The following ERBIN variants were observed in gnomAD, a reference collection of about 807,000 sequenced individuals.
ERBIN encodes the protein erbb2 interacting protein.
Under a neutral mutation model 158.4 loss-of-function variants are expected in ERBIN, and 60 were observed. The observed-to-expected ratio is 0.38, with a 90% CI of 0.31 to 0.47. ERBIN has a LOEUF of 0.47. Ranked by LOEUF, ERBIN falls within the 20% of genes least tolerant of loss-of-function variation. The pLI, the probability that ERBIN is intolerant of heterozygous loss-of-function variation, is 0.99. For missense variants in ERBIN, 1,610 were observed against 1,648.0 expected (o/e 0.98, Z 0.40); for synonymous variants, 594 against 557.2 (o/e 1.07, Z -0.93).
At chr5:65,942,043 T>C (rs1745118866) in intron 1 of ERBIN, among the ~76,000 whole-genome samples, 1 of 151,758 alleles carries the variant, frequency 6.6e-6, no homozygotes, top group South Asian at 2.1e-4. Flanking sequence ...TCTGGCCCTC[T>C]TTCTTGTAAT....
intron 2 of ERBIN, among the ~76,000 whole-genome samples, chr5:65,988,952 C>T (rs367848224): frequency 7.0e-6 from 1 of 142,570 alleles, no homozygotes; most frequent in African/African-American, 2.7e-5. Context: ...CACTGCACTC[C>T]AGCCTGGGCA....
chr5:66,006,014 A>G (rs1373133198), intron 4 of ERBIN, among the ~76,000 whole-genome samples: 5 of 152,192 alleles, frequency 3.3e-5, no homozygotes. Context: ...CAAGCTACCA[A>G]TGACTTTCTT....
chr5:66,061,346 CG>C (rs1208463203), intron 21 of ERBIN, among the ~76,000 whole-genome samples: 1 of 151,958 alleles, frequency 6.6e-6, no homozygotes, highest in Non-Finnish European at 1.5e-5. Context: ...TCTGTTTTAT[CG>C]GAGACTAGGA....
At chr5:66,006,841 T>A (rs946913667) in intron 4 of ERBIN, among the ~76,000 whole-genome samples, 15 of 151,986 alleles carry the variant, frequency 9.9e-5, no homozygotes, top group Admixed American at 3.9e-4. Context: ...CACAATGAGA[T>A]ACCATCTCAC....
intron 1 of ERBIN, among the ~76,000 whole-genome samples, chr5:65,940,834 G>C (rs1351373360): frequency 6.6e-6 from 1 of 152,074 alleles, no homozygotes; most frequent in Non-Finnish European, 1.5e-5. Flanking sequence ...AGCTCATTGA[G>C]AACGGGCCAT....
At position 66,023,869 on chromosome 5, in the gene ERBIN, G is replaced by A. The variant is rs1755957313; in HGVS notation, c.673-437G>A. On this transcript the variant is annotated intron_variant, in intron 9 of 25. Coordinates refer to ENST00000284037, the MANE Select transcript of ERBIN (RefSeq NM_001253697.2). ...TTTTTTTTATTTTTTAGTGGAGACGGGATTTCACCGTGTTAGCCAGGATGG... is the reference window on the plus strand; with the variant it reads ...TTTTTTTTATTTTTTAGTGGAGACGAGATTTCACCGTGTTAGCCAGGATGG... Among the ~76,000 whole-genome samples, 3 of 151,830 alleles carry A rather than the reference G, an allele frequency of 2.0e-5. No individual in the cohort carries two copies. The South Asian group carries it at 6.2e-4, about 32-fold the overall frequency.
chr5:66,023,242 C>A, intron 8 of ERBIN, 48 bp from the exon 9 acceptor site: 1 of 1,360,032 alleles, frequency 7.4e-7, no homozygotes, highest in South Asian at 1.2e-5. Flanking sequence ...TAAAGACATT[C>A]ATAAAAATTA....
At chr5:66,004,770 G>A (rs1388426563) in intron 4 of ERBIN, among the ~76,000 whole-genome samples, 1 of 152,188 alleles carries the variant, frequency 6.6e-6, no homozygotes, top group African/African-American at 2.4e-5. Context: ...GTTGTTGAGG[G>A]TAGGCCTTGA....
At chr5:65,992,434 A>C (rs920472244) in intron 2 of ERBIN, among the ~76,000 whole-genome samples, 10 of 152,154 alleles carry the variant, frequency 6.6e-5, no homozygotes, top group African/African-American at 2.4e-4. Context: ...GGTGTGAGCC[A>C]CTGCGCCCGG....
At chr5:65,975,064 G>A (rs954182104) in intron 1 of ERBIN, among the ~76,000 whole-genome samples, 1 of 152,206 alleles carries the variant, frequency 6.6e-6, no homozygotes, top group Non-Finnish European at 1.5e-5. Flanking sequence ...CTGGATTGCA[G>A]TGGTGTGATC....
At chr5:66,065,645 GTGTGTGTGTGTGTGTT>G (rs1760911096) in intron 21 of ERBIN, among the ~76,000 whole-genome samples, 1 of 91,838 alleles carries the variant, frequency 1.1e-5, no homozygotes. Context: ...GTGTGTGTGT[GTGTGTGTGTGTGTGTT>G]TTGCTTTGTA....
intron 21 of ERBIN, among the ~76,000 whole-genome samples, chr5:66,060,732 A>G (rs1208533781): frequency 6.6e-6 from 1 of 152,000 alleles, no homozygotes; most frequent in Non-Finnish European, 1.5e-5. Context: ...AGATTCTGGT[A>G]TGTTGTGTCT....
intron 1 of ERBIN, among the ~76,000 whole-genome samples, chr5:65,982,567 C>G (rs919823327): frequency 6.6e-6 from 1 of 152,192 alleles, no homozygotes; most frequent in Non-Finnish European, 1.5e-5. Flanking sequence ...GCTTGATGAT[C>G]TGTCTCATCA....
intron 16 of ERBIN, 58 bp from the exon 17 acceptor site, chr5:66,044,079 T>A: frequency 7.7e-7 from 1 of 1,300,108 alleles, no homozygotes; most frequent in Non-Finnish European, 1.0e-6. Flanking sequence ...TTAAATTTTG[T>A]TTGAGATTGA....
At position 65,967,290 on chromosome 5, in the gene ERBIN, G is replaced by A. The variant is rs140515940; in HGVS notation, c.-57-21345G>A. ...AGCCTAAGTGTTTATAAAGTCTGCA[G>A]TAGTGTACAGTAGTGTCCTAGACCT... On this transcript the variant is annotated intron_variant, in intron 1 of 25. Transcript: ENST00000284037. Among the ~76,000 whole-genome samples, 1,124 of 152,216 alleles carry A rather than the reference G, an allele frequency of 7.4e-3. 20 individuals carry two copies. Among genetic ancestry groups the A allele is most frequent in the African/African-American group, 0.026 (1,075 of 41,520 alleles).
At position 66,026,365 on chromosome 5, in the gene ERBIN, G is replaced by C. The variant is rs1276627448; in HGVS notation, c.1084G>C (p.Glu362Gln). The part of the protein sequence containing the change: ...LHSNKLETLP[E>Q]EMGDMQKLKV... Reference sequence around the variant, plus strand: ...TTCCAATAAACTTGAGACACTTCCAGAGGAAATGGGTGATATGCAAAAATT... The same window carrying C: ...TTCCAATAAACTTGAGACACTTCCACAGGAAATGGGTGATATGCAAAAATT... The change falls in exon 13 of 26, where the codon GAG becomes CAG. Residue 362 changes from glutamate (E) to glutamine (Q), a missense_variant. By Grantham distance (29) the Glu-to-Gln change is conservative. Transcript: ENST00000284037. 2.5e-6 allele frequency: 4 copies of C among 1,601,534 alleles called. No homozygotes were observed. The highest frequency in any genetic ancestry group is 3.4e-6 in the Non-Finnish European group (4 of 1,174,562).
At chr5:66,018,593 A>ATATATACATAATATATAT (rs1554058912) in intron 7 of ERBIN, among the ~76,000 whole-genome samples, 1 of 8,658 alleles carries the variant, frequency 1.2e-4, no homozygotes, top group African/African-American at 4.3e-4. Context: ...ATATTATATA[A>ATATATACATAATATATAT]TATATATTAT....
intron 7 of ERBIN, among the ~76,000 whole-genome samples, chr5:66,020,231 A>G (rs1299676113): frequency 3.9e-5 from 6 of 152,066 alleles, no homozygotes; most frequent in South Asian, 2.1e-4. Flanking sequence ...ATGTAGACCA[A>G]TGACAGTTTC....
At chr5:65,944,519 C>G (rs1391781064) in intron 1 of ERBIN, among the ~76,000 whole-genome samples, 3 of 152,030 alleles carry the variant, frequency 2.0e-5, no homozygotes, top group Admixed American at 1.3e-4. Flanking sequence ...ATCCTCCCAC[C>G]TCGTCCTCCC....
Sources: gnomAD v4.1 joint callset for allele counts (sites outside exome capture counted in the v4.1 genomes callset) on GRCh38, gnomAD v4.1.1 for gene constraint, MANE v1.5 for transcripts, NCBI Gene and HGNC (gene_info 2026-07-23, HGNC 2026-07-21) for gene names.